The following NBEA variants were observed in gnomAD, a reference collection of about 807,000 sequenced individuals.
NBEA encodes neurobeachin, also known as lysosomal-trafficking regulator 2.
In NBEA, 44 loss-of-function variants were observed where a neutral mutation model predicts 343.4. The observed-to-expected ratio is 0.13, with a 90% confidence interval of 0.10 to 0.16. The LOEUF is 0.16. Among genes scored for constraint, NBEA ranks in the 10% least tolerant of loss-of-function variants. The pLI, the probability that NBEA is intolerant of heterozygous loss-of-function variation, is 1.00. For synonymous variants in NBEA, 1,175 were observed against 1,238.7 expected (o/e 0.95, Z 1.08); for missense variants, 2,555 against 3,631.3 (o/e 0.70, Z 7.62).
chr13:35,227,957 ATCT>A (rs772754525), intron 33 of NBEA, among the ~76,000 whole-genome samples: 9 of 151,398 alleles, frequency 5.9e-5, no homozygotes, highest in South Asian at 2.1e-4. Context: ...GGAGAGAAAA[ATCT>A]TCTTTTTTTT....
chr13:35,049,283 C>CCA (rs2152562896), intron 5 of NBEA, among the ~76,000 whole-genome samples: 1 of 151,908 alleles, frequency 6.6e-6, no homozygotes, highest in East Asian at 1.9e-4. Flanking sequence ...ATACTGTATG[C>CCA]TAGGCATTGT....
At chr13:35,526,449 C>T (rs1248724700) in intron 41 of NBEA, among the ~76,000 whole-genome samples, 1 of 152,148 alleles carries the variant, frequency 6.6e-6, no homozygotes, top group Non-Finnish European at 1.5e-5. Context: ...AGCTCAAGAC[C>T]AGCTTGGGCA....
At chr13:35,456,984 TTA>T (rs979441390) in intron 40 of NBEA, among the ~76,000 whole-genome samples, 3 of 150,536 alleles carry the variant, frequency 2.0e-5, no homozygotes, top group Admixed American at 6.6e-5. Context: ...TGTTATTAGT[TTA>T]TATATATATA....
chr13:35,160,924 T>C (rs1054440495), intron 22 of NBEA, among the ~76,000 whole-genome samples: 17 of 152,212 alleles, frequency 1.1e-4, no homozygotes, highest in Admixed American at 3.3e-4. Flanking sequence ...TGCCTTTTAA[T>C]GTCATTGAAA....
At position 35,459,012 on chromosome 13, in the gene NBEA, CCCCCCCA is replaced by C. The variant is rs1212215595; in HGVS notation, c.6448+6779_6448+6785del. Among the ~76,000 whole-genome samples, 6 of 119,868 alleles carry C rather than the reference CCCCCCCA, an allele frequency of 5.0e-5. 1 individual carries two copies. Among genetic ancestry groups the C allele is most frequent in the African/African-American group, 2.2e-4 (6 of 27,236 alleles). The allele number at this position is 119,868 out of a possible 152,430, so 78.6% of individuals were successfully genotyped here. A position where few individuals can be genotyped will look rare whatever the true frequency, so the allele number is the denominator to read the frequency against. On this transcript the variant is annotated intron_variant, in intron 40 of 58. Transcript: ENST00000379939. The stretch of plus-strand genomic sequence containing the variant: ...TTATATTTCTTTACCACCGCCCCCC[CCCCCCCA>C]CACACACACACACACACACTTACCA...
At chr13:35,471,946 C>G (rs561595770) in intron 40 of NBEA, among the ~76,000 whole-genome samples, 9 of 152,118 alleles carry the variant, frequency 5.9e-5, no homozygotes, top group Non-Finnish European at 1.2e-4. Flanking sequence ...ATCCTTGCCC[C>G]CTTCTCGTCC....
At position 34,963,705 on chromosome 13, in the gene NBEA, T is replaced by TC. The variant is rs147510308; in HGVS notation, c.294+20600dup. 8.0e-3 allele frequency among the ~76,000 whole-genome samples: 1,200 copies of TC among 149,638 alleles called. 36 individuals carry two copies. In the East Asian group the frequency reaches 0.11, roughly 14 times the overall value. On this transcript the variant is annotated intron_variant, in intron 1 of 58. Coordinates refer to ENST00000379939, the MANE Select transcript of NBEA (RefSeq NM_001385012.1). ...CTTTTCCATGCTTCTACTCTTTTCT[T>TC]CCCCCCCCCGATATATTTTTATTCT...
chr13:35,110,966 C>G lies in NBEA; in HGVS notation c.1990C>G (p.Pro664Ala), dbSNP rs1421709090. 2 of 1,607,896 alleles carry G rather than the reference C, an allele frequency of 1.2e-6. No individual in the cohort carries two copies. The highest frequency in any genetic ancestry group is 1.3e-5 in the African/African-American group (1 of 74,852). Residue 664 changes from proline to alanine, a missense_variant, in exon 13 of 59, where the codon CCT (proline) becomes GCT (alanine). Transcript: ENST00000379939. The part of the protein sequence containing the change: ...INPADSSGIT[P>A]KGLDGPRPSQ... The stretch of plus-strand genomic sequence containing the variant: ...TCCTGCTGACAGTAGTGGCATTACA[C>G]CTAAAGGATTAGGTATGTATACCAC...
At chr13:35,424,652 T>C (rs1001379237) in intron 38 of NBEA, among the ~76,000 whole-genome samples, 1 of 152,230 alleles carries the variant, frequency 6.6e-6, no homozygotes, top group Admixed American at 6.5e-5. Context: ...ATCAGGATGA[T>C]GCTGGCCTCA....
chr13:35,178,149 A>T (rs1593626301), intron 28 of NBEA, among the ~76,000 whole-genome samples: 1 of 151,856 alleles, frequency 6.6e-6, no homozygotes, highest in Middle Eastern at 3.4e-3. Flanking sequence ...TAAAAATTTT[A>T]AAATGATAAT....
At chr13:35,096,560 T>C (rs1041712614) in intron 10 of NBEA, among the ~76,000 whole-genome samples, 1 of 151,876 alleles carries the variant, frequency 6.6e-6, no homozygotes, top group African/African-American at 2.4e-5. Context: ...TTTTGCCTTT[T>C]TTCATGGATC....
Position 35,221,909 on chromosome 13 carries a change from C to A in NBEA, c.5649-10583C>A, listed in dbSNP as rs182937260. Among the ~76,000 whole-genome samples, 491 of 152,204 alleles carry A rather than the reference C, an allele frequency of 3.2e-3. 4 individuals are homozygous for A. Among genetic ancestry groups the A allele is most frequent in the African/African-American group, 0.011 (459 of 41,534 alleles). Reference sequence around the variant, plus strand: ...CATGGGAGAAGAGCGGTCCAGAAACCAAAATCATCTTAGAGTTTCTTCTTC... The same window carrying A: ...CATGGGAGAAGAGCGGTCCAGAAACAAAAATCATCTTAGAGTTTCTTCTTC... On this transcript the variant is annotated intron_variant, in intron 33 of 58. Transcript: ENST00000379939.
chr13:35,322,015 G>A lies in NBEA; in HGVS notation c.5903+12423G>A, dbSNP rs989853897. The stretch of plus-strand genomic sequence containing the variant: ...TGGCAGCGAGAATTTCAAGCCAGTG[G>A]ATCTTAGCTTGCTGAGCTCTGTTGG... On this transcript the variant is annotated intron_variant, in intron 36 of 58. Transcript: ENST00000379939. 1.2e-4 allele frequency among the ~76,000 whole-genome samples: 19 copies of A among 152,304 alleles called. 2 individuals carry two copies. The highest frequency in any genetic ancestry group is 9.8e-4 in the Admixed American group (15 of 15,298).
intron 43 of NBEA, among the ~76,000 whole-genome samples, chr13:35,551,667 T>G: frequency 6.6e-6 from 1 of 151,660 alleles, no homozygotes; most frequent in East Asian, 1.9e-4. Context: ...ACTATAGGGG[T>G]GTGTGTGTTT....
chr13:35,594,975 A>ACG, intron 47 of NBEA, among the ~76,000 whole-genome samples: 1 of 151,312 alleles, frequency 6.6e-6, no homozygotes, highest in South Asian at 2.1e-4. Flanking sequence ...ACACACACAC[A>ACG]CACACACACA....
chr13:35,299,703 C>T (rs2036403866), intron 35 of NBEA, among the ~76,000 whole-genome samples: 2 of 152,106 alleles, frequency 1.3e-5, no homozygotes, highest in Non-Finnish European at 2.9e-5. Context: ...ATTTTTTCAG[C>T]AGAAAAGTGC....
At chr13:35,191,974 T>G (rs1037938751) in intron 30 of NBEA, among the ~76,000 whole-genome samples, 2 of 152,040 alleles carry the variant, frequency 1.3e-5, no homozygotes, top group African/African-American at 4.8e-5. Context: ...ATGTATTAGA[T>G]GAACTCATTA....
chr13:35,280,535 T>G (rs1224214393), intron 34 of NBEA, among the ~76,000 whole-genome samples: 2 of 152,100 alleles, frequency 1.3e-5, no homozygotes, highest in Non-Finnish European at 2.9e-5. Flanking sequence ...AATAGCATCA[T>G]TTAGCTTGCT....
At position 35,366,153 on chromosome 13, in the gene NBEA, A is replaced by G. The variant is rs114251009; in HGVS notation, c.6179+13830A>G. On this transcript the variant is annotated intron_variant, in intron 38 of 58. Transcript: ENST00000379939. The stretch of plus-strand genomic sequence containing the variant: ...CTGTCATCACTGTTCACTTAATCCT[A>G]CGACCTTGACATGATAGCATTCCCA... Among the ~76,000 whole-genome samples, 281 of 151,718 alleles carry G rather than the reference A, an allele frequency of 1.9e-3. 1 individual carries two copies. Among genetic ancestry groups the G allele is most frequent in the African/African-American group, 5.7e-3 (236 of 41,522 alleles).
Sources: gnomAD v4.1 joint callset for allele counts (sites outside exome capture counted in the v4.1 genomes callset) on GRCh38, gnomAD v4.1.1 for gene constraint, MANE v1.5 for transcripts, NCBI Gene and HGNC (gene_info 2026-07-23, HGNC 2026-07-21) for gene names.